Variants in COL24A1 observed in about 807,000 individuals in gnomAD.
The protein encoded by COL24A1 is collagen type XXIV alpha 1 chain.
A neutral mutation model predicts 253.9 loss-of-function variants in COL24A1; 224 were observed. The ratio of observed to expected loss-of-function variants is 0.88; its 90% CI spans 0.79 to 0.99. The LOEUF (loss-of-function observed/expected upper bound fraction) is 0.99, where lower values mean the gene tolerates loss of function less well. COL24A1 is among the 50% of genes least tolerant of loss of function. COL24A1 has a pLI of 0.00. For synonymous variants in COL24A1, 685 were observed against 673.7 expected, an observed-to-expected ratio of 1.02 and a Z score of -0.26; for missense variants, 2,131 against 2,068.5, an observed-to-expected ratio of 1.03 and a Z score of -0.59.
At chr1:85,841,951 T>C (rs1188799312) in intron 41 of COL24A1, 117 bp downstream of exon 41, 1 of 791,010 alleles carries the variant, frequency 1.3e-6, no homozygotes, top group East Asian at 2.5e-5. Flanking sequence ...TTAGTAAAAT[T>C]TTCAACTTTA....
rs2100839645 is a variant in COL24A1, at chr1:85,979,028, C to T, written c.2365-7635G>A. 1.3e-5 allele frequency among the ~76,000 whole-genome samples: 2 copies of T among 152,142 alleles called. 1 individual carries two copies. Among genetic ancestry groups the T allele is most frequent in the Admixed American group, 1.3e-4 (2 of 15,276 alleles). ...GTGGAATAAAACTGGAAATTAACTC[C>T]AAAAGGAACCCTCAAAACCATACAA... On this transcript the variant is annotated intron_variant, in intron 20 of 59. Coordinates refer to ENST00000370571, the MANE Select transcript of COL24A1 (RefSeq NM_152890.7).
At chr1:86,081,102 T>C (rs1702601753) in intron 7 of COL24A1, among the ~76,000 whole-genome samples, 2 of 152,140 alleles carry the variant, frequency 1.3e-5, no homozygotes, top group Admixed American at 1.3e-4. Context: ...ACATTAGAAA[T>C]TAAAGCATCA....
intron 19 of COL24A1, among the ~76,000 whole-genome samples, chr1:86,013,136 A>C (rs1408985041): frequency 6.6e-6 from 1 of 152,230 alleles, no homozygotes; most frequent in Non-Finnish European, 1.5e-5. Flanking sequence ...AGGTACTCAG[A>C]CTAACTCCTC....
intron 1 of COL24A1, among the ~76,000 whole-genome samples, chr1:86,150,175 A>G (rs1299855479): frequency 1.3e-5 from 2 of 152,152 alleles, no homozygotes; most frequent in African/African-American, 4.8e-5. Context: ...AATTAAATCA[A>G]TACTTGCTCC....
At position 86,125,308 on chromosome 1, in the gene COL24A1, G is replaced by A. The variant is rs1257058975; in HGVS notation, c.1028C>T (p.Thr343Ile). The change falls in exon 3 of 60, where the codon ACT becomes ATT. Residue 343 changes from threonine (T) to isoleucine (I), a missense_variant. By Grantham distance (89) the Thr-to-Ile change is moderately conservative (BLOSUM62 -1). Transcript: ENST00000370571. ...CACTGACAGGCTGAAATTTGTCTGA[G>A]TATCTTCCTCAGTGATCATTTCTTT... ...QAKEMITEED[T>I]QTNFSLSVTT... The A allele has an allele frequency of 6.2e-7, 1 of 1,613,524 alleles. No individual in the cohort carries two copies. Among genetic ancestry groups the A allele is most frequent in the Non-Finnish European group, 8.5e-7 (1 of 1,179,796 alleles).
chr1:86,123,584 A>G (rs1376360795), intron 3 of COL24A1, among the ~76,000 whole-genome samples: 1 of 151,966 alleles, frequency 6.6e-6, no homozygotes, highest in East Asian at 1.9e-4. Context: ...CCAATACTGA[A>G]TGACTATTTT....
chr1:85,868,588 T>C lies in COL24A1; in HGVS notation c.3231A>G (p.Gly1077=). The change falls in exon 37 of 60, where the codon GGA becomes GGG. Residue 1077 remains glycine, a synonymous_variant. Transcript: ENST00000370571. ...PGGRGLPGED[G]EKGEMGLPGI... ...CTGGTAAGCCCATCTCTCCTTTTTCTCCATCCTCTCCAGGAAGTCCCCTTC... is the reference window on the plus strand; with the variant it reads ...CTGGTAAGCCCATCTCTCCTTTTTCCCCATCCTCTCCAGGAAGTCCCCTTC... 6.2e-7 allele frequency: 1 copy of C among 1,613,936 alleles called. No homozygotes were observed. The highest frequency in any genetic ancestry group is 8.5e-7 in the Non-Finnish European group (1 of 1,179,896).
At position 86,063,741 on chromosome 1, in the gene COL24A1, C is replaced by T. The variant is rs570951246; in HGVS notation, c.1726G>A (p.Gly576Arg). 13 of 1,552,294 alleles carry T rather than the reference C, an allele frequency of 8.4e-6. No individual in the cohort carries two copies. The highest frequency in any genetic ancestry group is 7.8e-6 in the Non-Finnish European group (9 of 1,148,722). The change falls in exon 8 of 60, where the codon GGA (glycine) becomes AGA (arginine). Residue 576 changes from glycine (G) to arginine (R), a missense_variant. By Grantham distance (125) the Gly-to-Arg change is moderately radical. Transcript: ENST00000370571. ...QGDKGLKGHPGLPGLPGEQGI... is the reference protein window; with the variant it reads ...QGDKGLKGHPRLPGLPGEQGI... ...TGTTCACCTGGAAGTCCTGGGAGTCCAGGATGTCCTTTGAGACCCTGTAAA... is the reference window on the plus strand; with the variant it reads ...TGTTCACCTGGAAGTCCTGGGAGTCTAGGATGTCCTTTGAGACCCTGTAAA...
chr1:86,072,013 T>C (rs1701911040), intron 7 of COL24A1, among the ~76,000 whole-genome samples: 1 of 152,190 alleles, frequency 6.6e-6, no homozygotes, highest in Non-Finnish European at 1.5e-5. Context: ...CTGTGAAACC[T>C]GCAGACCAGG....
At chr1:85,824,901 C>CTTT (rs869157846) in intron 43 of COL24A1, among the ~76,000 whole-genome samples, 1 of 100,446 alleles carries the variant, frequency 1.0e-5, no homozygotes, top group African/African-American at 4.1e-5. Flanking sequence ...AATATTTATT[C>CTTT]TTTTATTATT....
intron 3 of COL24A1, among the ~76,000 whole-genome samples, chr1:86,116,801 T>A (rs72716170): frequency 3.8e-4 from 58 of 152,284 alleles, no homozygotes; most frequent in Non-Finnish European, 7.1e-4. Flanking sequence ...TTTATAAAAC[T>A]TTTCATGTAT....
intron 8 of COL24A1, 112 bp downstream of exon 8, chr1:86,063,603 A>C: frequency 1.5e-6 from 1 of 655,860 alleles, no homozygotes; most frequent in Non-Finnish European, 2.4e-6. Context: ...AACAGAGTAA[A>C]AAATCACTGA....
chr1:85,997,225 G>T (rs1035205751), intron 19 of COL24A1, among the ~76,000 whole-genome samples: 2 of 151,590 alleles, frequency 1.3e-5, no homozygotes, highest in Non-Finnish European at 2.9e-5. Flanking sequence ...TGCATTTTCA[G>T]CTGTGTAGGT....
At chr1:86,117,510 GAACT>G (rs1338953768) in intron 3 of COL24A1, among the ~76,000 whole-genome samples, 5 of 152,238 alleles carry the variant, frequency 3.3e-5, no homozygotes, top group African/African-American at 9.6e-5. Context: ...ACAGCAGCCT[GAACT>G]AACTAAGATG....
At chr1:85,983,825 T>A (rs1639013771) in intron 20 of COL24A1, among the ~76,000 whole-genome samples, 1 of 151,856 alleles carries the variant, frequency 6.6e-6, no homozygotes, top group Admixed American at 6.6e-5. Context: ...CAAAACCAGA[T>A]CCTTCTCAAT....
At chr1:86,079,780 C>T (rs553024498) in intron 7 of COL24A1, among the ~76,000 whole-genome samples, 113 of 152,062 alleles carry the variant, frequency 7.4e-4, no homozygotes, top group Middle Eastern at 6.8e-3. Context: ...AGAATGCTGG[C>T]GAGGATGTGG....
At chr1:86,052,330 G>A (rs1395848407) in intron 10 of COL24A1, among the ~76,000 whole-genome samples, 3 of 151,982 alleles carry the variant, frequency 2.0e-5, no homozygotes, top group Admixed American at 1.3e-4. Context: ...TAGAAGCAAC[G>A]TAAATGTTCA....
intron 47 of COL24A1, among the ~76,000 whole-genome samples, chr1:85,802,853 GT>G (rs534979827): frequency 6.6e-6 from 1 of 152,064 alleles, no homozygotes; most frequent in Non-Finnish European, 1.5e-5. Flanking sequence ...CTTTTTGTCT[GT>G]TTTTTTCCCC....
chr1:86,095,454 TA>T (rs1703827916), intron 5 of COL24A1, among the ~76,000 whole-genome samples: 1 of 152,056 alleles, frequency 6.6e-6, no homozygotes, highest in South Asian at 2.1e-4. Flanking sequence ...TTAACTTGGC[TA>T]GTTGTGGGCT....
Sources: allele counts gnomAD v4.1 joint callset (sites outside exome capture counted in the v4.1 genomes callset), GRCh38; gene constraint gnomAD v4.1.1; transcripts MANE v1.5; gene names NCBI Gene and HGNC (gene_info 2026-07-23, HGNC 2026-07-21).